Variants in GPC6 observed in about 807,000 individuals in gnomAD.
GPC6 encodes glypican 6.
A neutral mutation model predicts 55.2 loss-of-function variants in GPC6; 14 were observed. The observed-to-expected ratio is 0.25, with a 90% CI of 0.17 to 0.40. The LOEUF is 0.40. Ranked by LOEUF, GPC6 falls within the 10% of genes least tolerant of loss-of-function variation. GPC6 has a pLI of 1.00. For synonymous variants in GPC6, 278 were observed against 259.6 expected, an observed-to-expected ratio of 1.07 and a Z score of -0.68; for missense variants, 641 against 708.5, an observed-to-expected ratio of 0.90 and a Z score of 1.08.
chr13:94,151,538 A>G (rs941334345), intron 4 of GPC6, among the ~76,000 whole-genome samples: 2 of 152,122 alleles, frequency 1.3e-5, no homozygotes, highest in South Asian at 2.1e-4. Context: ...GTAAATTCGA[A>G]TGGTTATTTG....
intron 4 of GPC6, among the ~76,000 whole-genome samples, chr13:94,217,505 G>A (rs1351033458): frequency 6.6e-6 from 1 of 152,120 alleles, no homozygotes; most frequent in Non-Finnish European, 1.5e-5. Context: ...CTTTGAGAGG[G>A]CATGACAGCA....
rs546417177 is a variant in GPC6 at position 94,339,563 on chromosome 13, C to G, written c.1152+33440C>G. ...ACTTAGGGTCACTGTTATGTTAGAA[C>G]TCTGAGAACAGGAATGCATGAAAAG... On this transcript the variant is annotated intron_variant, in intron 6 of 8. Transcript: ENST00000377047. Among the ~76,000 whole-genome samples the G allele has an allele frequency of 5.7e-4, 87 of 152,124 alleles. 2 individuals are homozygous for G. The South Asian group carries it at 0.017, about 29-fold the overall frequency.
At chr13:93,584,915 C>T (rs895746569) in intron 2 of GPC6, among the ~76,000 whole-genome samples, 1 of 152,002 alleles carries the variant, frequency 6.6e-6, no homozygotes, top group African/African-American at 2.4e-5. Flanking sequence ...GTCTTGAACT[C>T]CTGGACTCAA....
At chr13:93,624,534 G>T (rs1441559427) in intron 2 of GPC6, among the ~76,000 whole-genome samples, 1 of 152,194 alleles carries the variant, frequency 6.6e-6, no homozygotes, top group Non-Finnish European at 1.5e-5. Context: ...ATAAAAACCA[G>T]CATCCTTGTG....
intron 3 of GPC6, among the ~76,000 whole-genome samples, chr13:93,865,740 A>G (rs1351969653): frequency 1.3e-5 from 2 of 151,694 alleles, no homozygotes; most frequent in East Asian, 3.9e-4. Context: ...TTCATTGCCT[A>G]TGGGAAAGAG....
At chr13:94,221,485 A>G (rs913238351) in intron 4 of GPC6, among the ~76,000 whole-genome samples, 2 of 152,124 alleles carry the variant, frequency 1.3e-5, no homozygotes, top group African/African-American at 4.8e-5. Context: ...TCACTGTAAA[A>G]TGCTTAGACC....
chr13:94,240,906 G>T (rs191806115), intron 4 of GPC6, among the ~76,000 whole-genome samples: 2 of 152,240 alleles, frequency 1.3e-5, no homozygotes, highest in African/African-American at 4.8e-5. Context: ...ACTTGACTAG[G>T]TTGACGTCAT....
chr13:94,100,873 G>A (rs1885832204), intron 4 of GPC6, among the ~76,000 whole-genome samples: 1 of 152,170 alleles, frequency 6.6e-6, no homozygotes, highest in Non-Finnish European at 1.5e-5. Flanking sequence ...ATTTCTACAA[G>A]ACCATTTATG....
intron 2 of GPC6, among the ~76,000 whole-genome samples, chr13:93,775,405 C>T (rs1054366198): frequency 6.6e-6 from 1 of 152,134 alleles, no homozygotes; most frequent in Non-Finnish European, 1.5e-5. Flanking sequence ...TTTTAGGTTT[C>T]GTATCTGAGA....
At chr13:93,356,142 A>G (rs545654092) in intron 1 of GPC6, among the ~76,000 whole-genome samples, 1 of 152,328 alleles carries the variant, frequency 6.6e-6, no homozygotes, top group African/African-American at 2.4e-5. Context: ...GACCAGAGGT[A>G]CAGAAGGAAA....
intron 2 of GPC6, among the ~76,000 whole-genome samples, chr13:93,573,011 G>A (rs1876480879): frequency 6.6e-6 from 1 of 152,046 alleles, no homozygotes; most frequent in African/African-American, 2.4e-5. Flanking sequence ...TGGTGAAGGA[G>A]GCAGGGGAAA....
At chr13:94,267,951 A>T (rs556095617) in intron 4 of GPC6, among the ~76,000 whole-genome samples, 1 of 152,350 alleles carries the variant, frequency 6.6e-6, no homozygotes, top group Non-Finnish European at 1.5e-5. Context: ...TGTGTAGAAG[A>T]AATATGAAAG....
At chr13:93,442,958 C>G (rs1272736439) in intron 1 of GPC6, among the ~76,000 whole-genome samples, 2 of 152,040 alleles carry the variant, frequency 1.3e-5, no homozygotes, top group African/African-American at 2.4e-5. Context: ...GTGTGCTTGT[C>G]TTTTGAAGAT....
chr13:93,925,578 T>C (rs1247494963), intron 3 of GPC6, among the ~76,000 whole-genome samples: 3 of 152,176 alleles, frequency 2.0e-5, no homozygotes, highest in Non-Finnish European at 2.9e-5. Context: ...TTTACCAGTA[T>C]TTAGTGCAGA....
intron 4 of GPC6, among the ~76,000 whole-genome samples, chr13:94,175,986 A>AGCGAGC (rs140957148): frequency 7.6e-5 from 10 of 131,232 alleles, no homozygotes; most frequent in Admixed American, 2.3e-4. Flanking sequence ...AGAGAGAGAG[A>AGCGAGC]GAGAGAGCGA....
chr13:93,776,837 G>T (rs1478714610), intron 2 of GPC6, among the ~76,000 whole-genome samples: 1 of 152,118 alleles, frequency 6.6e-6, no homozygotes, highest in Non-Finnish European at 1.5e-5. Context: ...CTGCTGACTG[G>T]TTTGCAGGCT....
At chr13:94,213,477 A>T (rs1012866528) in intron 4 of GPC6, among the ~76,000 whole-genome samples, 2 of 152,224 alleles carry the variant, frequency 1.3e-5, no homozygotes, top group African/African-American at 4.8e-5. Context: ...TTATTTGTTC[A>T]TAATTTTTGG....
At chr13:94,352,145 AGAAT>A (rs1878581622) in intron 6 of GPC6, among the ~76,000 whole-genome samples, 1 of 152,056 alleles carries the variant, frequency 6.6e-6, no homozygotes, top group Admixed American at 6.6e-5. Flanking sequence ...AGGCACAGAA[AGAAT>A]GGTGTGAGCT....
At chr13:94,083,465 ATTTG>A (rs1397151179) in intron 4 of GPC6, among the ~76,000 whole-genome samples, 1 of 152,098 alleles carries the variant, frequency 6.6e-6, no homozygotes, top group Non-Finnish European at 1.5e-5. Context: ...CTATATGTTA[ATTTG>A]TTTATTTTTT....
Sources: gnomAD v4.1 joint callset for allele counts (sites outside exome capture counted in the v4.1 genomes callset) on GRCh38, gnomAD v4.1.1 for gene constraint, MANE v1.5 for transcripts, NCBI Gene and HGNC (gene_info 2026-07-23, HGNC 2026-07-21) for gene names.